The following PPEF1 variants were observed in gnomAD, a reference collection of about 807,000 sequenced individuals.
PPEF1 encodes serine/threonine-protein phosphatase with EF-hands 1.
Under a neutral mutation model 53.3 loss-of-function variants are expected in PPEF1, and 12 were observed. That is an observed-to-expected ratio of 0.23 (90% confidence interval 0.14 to 0.36). PPEF1 has a LOEUF of 0.36. Ranked by LOEUF, PPEF1 falls within the 10% of genes least tolerant of loss-of-function variation. The probability of loss-of-function intolerance (pLI) is 1.00; values close to 1 mark genes in which losing one functional copy is unlikely to be tolerated. For synonymous variants in PPEF1, 165 were observed against 176.7 expected (o/e 0.93, Z 0.52); for missense variants, 334 against 490.4 (o/e 0.68, Z 3.01).
chrX:18,741,932 G>A (rs968015073), intron 3 of PPEF1, among the ~76,000 whole-genome samples: 5 of 109,139 alleles, frequency 4.6e-5, no homozygotes, highest in Admixed American at 9.9e-5. Context: ...CGAGTAGCTG[G>A]GATTACAGGC....
chrX:18,737,977 G>A (rs1241108669), intron 3 of PPEF1, among the ~76,000 whole-genome samples: 1 of 110,296 alleles, frequency 9.1e-6, no homozygotes, highest in African/African-American at 3.3e-5. Context: ...CATTTGCTTG[G>A]TAGATCTTCC....
chrX:18,675,578 G>T (rs1436292775), upstream of PPEF1, among the ~76,000 whole-genome samples: 1 of 112,822 alleles, frequency 8.9e-6, no homozygotes, highest in Non-Finnish European at 1.9e-5. Flanking sequence ...CTTCCGTTAG[G>T]TCTCCTTAGT....
chrX:18,757,464 G>T (rs1392094611), intron 4 of PPEF1, among the ~76,000 whole-genome samples, 163 bp from the exon 5 acceptor site: 3 of 111,270 alleles, frequency 2.7e-5, no homozygotes, highest in Non-Finnish European at 5.6e-5. Context: ...CTTATTATAT[G>T]CCAGACACTG....
intron 10 of PPEF1, among the ~76,000 whole-genome samples, chrX:18,793,457 T>TTGGTAAATCCTTTTAAAATTTG (rs1293630251): frequency 1.8e-5 from 2 of 112,006 alleles, no homozygotes; most frequent in African/African-American, 6.5e-5. Context: ...TTTTCTTTTT[T>TTGGTAAATCCTTTTAAAATTTG]TGGTAAATCC....
rs754994366 is a variant in PPEF1, at chrX:18,751,045, G to A, written c.396+1093G>A. Among the ~76,000 whole-genome samples, 3 of 111,347 alleles carry A rather than the reference G, an allele frequency of 2.7e-5. No individual in the cohort carries two copies. The East Asian group carries it at 8.4e-4, about 31-fold the overall frequency. ...TTAAAATCAGGCTTTTTATTATTGA[G>A]TTATAAGAGTTCTTTCTGGATATAA... On this transcript the variant is annotated intron_variant, in intron 4 of 15. Coordinates refer to ENST00000470157, the MANE Select transcript of PPEF1 (RefSeq NM_001377996.1).
chrX:18,813,279 TGAGGCAGAAGAATGGCTTGAACCCGG>T (rs1421968842), intron 12 of PPEF1, among the ~76,000 whole-genome samples: 1 of 104,638 alleles, frequency 9.6e-6, no homozygotes, highest in African/African-American at 3.6e-5. Context: ...CTCAGGAGGC[TGAGGCAGAAGAATGGCTTGAACCCGG>T]GAGGCGGAGG....
At chrX:18,783,715 CA>C (rs112707495) in intron 8 of PPEF1, among the ~76,000 whole-genome samples, 183 bp from the exon 9 acceptor site, 1 of 101,781 alleles carries the variant, frequency 9.8e-6, no homozygotes, top group African/African-American at 3.6e-5. Flanking sequence ...GACTCCATCT[CA>C]AAAAAAAAAC....
chrX:18,756,979 G>A (rs2045561041), intron 4 of PPEF1, among the ~76,000 whole-genome samples: 1 of 111,257 alleles, frequency 9.0e-6, no homozygotes, highest in Admixed American at 9.5e-5. Context: ...GGAGGCTGAG[G>A]CAGGAGGATC....
At chrX:18,716,820 C>T (rs1050137116) in intron 1 of PPEF1, among the ~76,000 whole-genome samples, 1 of 110,815 alleles carries the variant, frequency 9.0e-6, no homozygotes, top group African/African-American at 3.3e-5. Context: ...TTACTGCCAC[C>T]GTAGGGTATA....
chrX:18,770,204 G>T (rs1241941964), intron 6 of PPEF1, among the ~76,000 whole-genome samples: 1 of 111,452 alleles, frequency 9.0e-6, no homozygotes, highest in African/African-American at 3.3e-5. Flanking sequence ...TCAGTAGCCG[G>T]AATCCTAAAT....
chrX:18,695,995 C>T (rs986226112), intron 4 of PPEF1, among the ~76,000 whole-genome samples: 2 of 112,140 alleles, frequency 1.8e-5, no homozygotes, highest in African/African-American at 6.5e-5. Flanking sequence ...AATGACTTGC[C>T]AGATCTGGCC....
chrX:18,762,298 G>A (rs1166439516), intron 6 of PPEF1, among the ~76,000 whole-genome samples: 1 of 111,859 alleles, frequency 8.9e-6, no homozygotes, highest in Non-Finnish European at 1.9e-5. Context: ...TCTTCTGAAT[G>A]TCTCTTTTTG....
intron 5 of PPEF1, 65 bp from the exon 6 acceptor site, chrX:18,761,465 C>A: frequency 1.0e-6 from 1 of 971,153 alleles, no homozygotes; most frequent in Non-Finnish European, 1.5e-6. Context: ...AGCAGTATTT[C>A]ACTTTTAAAA....
chrX:18,713,422 T>G (rs1433526659), intron 1 of PPEF1, among the ~76,000 whole-genome samples: 3 of 91,991 alleles, frequency 3.3e-5, no homozygotes, highest in Non-Finnish European at 6.1e-5. Flanking sequence ...TTAAAATTCT[T>G]TTTTTTTTTT....
At chrX:18,817,821 A>G (rs968161868) in intron 12 of PPEF1, among the ~76,000 whole-genome samples, 6 of 111,208 alleles carry the variant, frequency 5.4e-5, no homozygotes, top group Admixed American at 9.7e-5. Flanking sequence ...AGAAAATACT[A>G]TTTGTAATCC....
intron 3 of PPEF1, among the ~76,000 whole-genome samples, chrX:18,737,825 T>A (rs2045026082): frequency 9.0e-6 from 1 of 111,721 alleles, no homozygotes; most frequent in South Asian, 3.7e-4. Context: ...GGTGCACATA[T>A]ATTTAGGATA....
At chrX:18,694,905 C>A (rs1171668462) in intron 4 of PPEF1, among the ~76,000 whole-genome samples, 2 of 112,058 alleles carry the variant, frequency 1.8e-5, no homozygotes, top group Non-Finnish European at 3.8e-5. Flanking sequence ...CCTTCATCTG[C>A]CGTCTGTTAT....
intron 10 of PPEF1, 54 bp downstream of exon 10, chrX:18,789,327 T>C: frequency 1.8e-6 from 2 of 1,103,998 alleles, no homozygotes; most frequent in South Asian, 4.3e-5. Context: ...GCGTGCATGT[T>C]GTCCCTTACA....
intron 12 of PPEF1, among the ~76,000 whole-genome samples, chrX:18,810,465 T>TA (rs2046783792): frequency 9.0e-6 from 1 of 111,194 alleles, no homozygotes; most frequent in Admixed American, 9.7e-5. Context: ...CACCATTATC[T>TA]AACTTTTGAA....
Sources: allele counts gnomAD v4.1 joint callset (sites outside exome capture counted in the v4.1 genomes callset), GRCh38; gene constraint gnomAD v4.1.1; transcripts MANE v1.5; gene names NCBI Gene and HGNC (gene_info 2026-07-23, HGNC 2026-07-21).